The following ATRX variants were observed in gnomAD, a reference collection of about 807,000 sequenced individuals.
ATRX encodes ATRX chromatin remodeler, also known as chromatin remodeler ATRX.
A neutral mutation model predicts 172.6 loss-of-function variants in ATRX; 12 were observed. The observed-to-expected ratio is 0.07, with a 90% CI of 0.04 to 0.11. ATRX has a LOEUF of 0.11. Ranked by LOEUF, ATRX falls within the 10% of genes least tolerant of loss-of-function variation. The probability of loss-of-function intolerance (pLI) is 1.00; values close to 1 mark genes in which losing one functional copy is unlikely to be tolerated. For synonymous variants in ATRX, 674 were observed against 594.7 expected (o/e 1.13, Z -1.94); for missense variants, 1,368 against 1,767.4 (o/e 0.77, Z 4.05).
chrX:77,604,139 T>C (rs782679457), intron 22 of ATRX, among the ~76,000 whole-genome samples: 9 of 111,875 alleles, frequency 8.0e-5, no homozygotes, highest in Admixed American at 3.8e-4. Context: ...GCAAAGCAAC[T>C]AAAACAAAAA....
chrX:77,708,952 A>C (rs1280314615), intron 2 of ATRX, among the ~76,000 whole-genome samples: 2 of 112,510 alleles, frequency 1.8e-5, no homozygotes, highest in Non-Finnish European at 3.8e-5. Flanking sequence ...GATGCCTGTA[A>C]TCTAAATACT....
chrX:77,692,971 C>T (rs782737894), intron 6 of ATRX, among the ~76,000 whole-genome samples: 8 of 109,522 alleles, frequency 7.3e-5, no homozygotes, highest in African/African-American at 1.0e-4. Flanking sequence ...ACTGCAGCCT[C>T]GATCACCTGG....
intron 28 of ATRX, among the ~76,000 whole-genome samples, chrX:77,569,847 A>C (rs2065344770): frequency 8.9e-6 from 1 of 112,185 alleles, no homozygotes; most frequent in African/African-American, 3.2e-5. Context: ...AAATGATATC[A>C]ATTCTCTACA....
At chrX:77,770,805 C>G (rs1415074769) in intron 1 of ATRX, among the ~76,000 whole-genome samples, 1 of 111,991 alleles carries the variant, frequency 8.9e-6, no homozygotes, top group Non-Finnish European at 1.9e-5. Flanking sequence ...AGAATTTTGA[C>G]AAATGAGGAT....
intron 1 of ATRX, among the ~76,000 whole-genome samples, chrX:77,721,171 G>C (rs1396479097): frequency 9.0e-6 from 1 of 111,173 alleles, no homozygotes. Context: ...CCGATGAAAC[G>C]TATCTCAAAA....
chrX:77,735,524 G>A (rs1049618383), intron 1 of ATRX, among the ~76,000 whole-genome samples: 6 of 108,314 alleles, frequency 5.5e-5, no homozygotes, highest in Admixed American at 5.0e-4. Context: ...CCCGGGAGGC[G>A]GAGCTTGCAG....
intron 1 of ATRX, among the ~76,000 whole-genome samples, chrX:77,760,794 AAAT>A (rs1160517852): frequency 7.3e-4 from 81 of 111,420 alleles, no homozygotes; most frequent in African/African-American, 1.5e-3. Flanking sequence ...TTTCCCACTT[AAAT>A]AATAAAAAAA....
intron 2 of ATRX, among the ~76,000 whole-genome samples, chrX:77,715,586 A>C (rs2073335390): frequency 8.9e-6 from 1 of 112,330 alleles, no homozygotes; most frequent in Admixed American, 9.4e-5. Flanking sequence ...TGCCAGTGTT[A>C]CTGTTATTCC....
chrX:77,737,720 A>G (rs2074665962), intron 1 of ATRX, among the ~76,000 whole-genome samples: 1 of 110,400 alleles, frequency 9.1e-6, no homozygotes, highest in South Asian at 3.9e-4. Flanking sequence ...AATCCCATAA[A>G]TATATACACC....
intron 34 of ATRX, among the ~76,000 whole-genome samples, chrX:77,520,020 T>C (rs782599174): frequency 8.9e-6 from 1 of 112,221 alleles, no homozygotes; most frequent in Admixed American, 9.4e-5. Context: ...TGCATAGAAT[T>C]GGAGATCATT....
At chrX:77,681,190 C>G (rs1344673147) in intron 9 of ATRX, among the ~76,000 whole-genome samples, 1 of 111,639 alleles carries the variant, frequency 9.0e-6, no homozygotes. Context: ...CATTATATAA[C>G]TAAATAGCTA....
intron 28 of ATRX, among the ~76,000 whole-genome samples, chrX:77,565,845 C>A (rs187411334): frequency 1.3e-3 from 136 of 107,559 alleles, no homozygotes; most frequent in Non-Finnish European, 2.3e-3. Context: ...GAGAGTGAGA[C>A]CCTGTCTCAA....
At chrX:77,770,516 G>A (rs887677414) in intron 1 of ATRX, among the ~76,000 whole-genome samples, 1 of 111,673 alleles carries the variant, frequency 9.0e-6, no homozygotes, top group Admixed American at 9.6e-5. Context: ...CAGAGGCACT[G>A]AAAACAACAT....
intron 7 of ATRX, 71 bp downstream of exon 7, chrX:77,688,747 C>T: frequency 1.2e-6 from 1 of 854,098 alleles, no homozygotes; most frequent in Non-Finnish European, 1.7e-6. Context: ...CAAGACTGTG[C>T]CCTCAAAGGC....
intron 2 of ATRX, among the ~76,000 whole-genome samples, chrX:77,712,594 G>T (rs782651721): frequency 1.8e-5 from 2 of 111,747 alleles, no homozygotes; most frequent in East Asian, 5.6e-4. Context: ...GGAGGCTGAG[G>T]CAGGTGGATC....
chrX:77,756,712 G>A (rs782029097), intron 1 of ATRX, among the ~76,000 whole-genome samples: 1 of 110,389 alleles, frequency 9.1e-6, no homozygotes, highest in East Asian at 2.8e-4. Context: ...ACCTCAGTTG[G>A]AAATGAAGAA....
At chrX:77,598,664 C>T (rs1249065001) in intron 25 of ATRX, among the ~76,000 whole-genome samples, 1 of 111,450 alleles carries the variant, frequency 9.0e-6, no homozygotes, top group Non-Finnish European at 1.9e-5. Flanking sequence ...AATAGGCAGA[C>T]ATTTGGTCCC....
At chrX:77,619,212 C>A (rs2148262369) in intron 20 of ATRX, among the ~76,000 whole-genome samples, 1 of 111,001 alleles carries the variant, frequency 9.0e-6, no homozygotes, top group South Asian at 3.7e-4. Flanking sequence ...TAGACATGAA[C>A]GTTTTTTAAA....
chrX:77,669,792 G>A (rs913957137), intron 10 of ATRX, among the ~76,000 whole-genome samples: 7 of 110,342 alleles, frequency 6.3e-5, no homozygotes, highest in East Asian at 5.7e-4. Flanking sequence ...TTGAACTCCC[G>A]GGCTAAAGCA....
Sources: allele counts gnomAD v4.1 joint callset (sites outside exome capture counted in the v4.1 genomes callset), GRCh38; gene constraint gnomAD v4.1.1; transcripts MANE v1.5; gene names NCBI Gene and HGNC (gene_info 2026-07-23, HGNC 2026-07-21).